MALRD1: variants seen among roughly 807,000 people sequenced by gnomAD.
MALRD1 encodes MAM and LDL-receptor class A domain-containing protein 1.
A neutral mutation model predicts 242.1 loss-of-function variants in MALRD1; 247 were observed. The ratio of observed to expected loss-of-function variants is 1.02; its 90% CI spans 0.92 to 1.13. The LOEUF (loss-of-function observed/expected upper bound fraction) is 1.13. MALRD1 is among the 50% of genes most tolerant of loss of function. MALRD1 has a pLI of 0.00. For synonymous variants in MALRD1, 995 were observed against 866.6 expected (o/e 1.15, Z -2.60); for missense variants, 2,989 against 2,533.1 (o/e 1.18, Z -3.86).
chr10:19,066,011 AAG>A (rs1834968909), intron 1 of MALRD1, among the ~76,000 whole-genome samples: 1 of 152,128 alleles, frequency 6.6e-6, no homozygotes, highest in African/African-American at 2.4e-5. Context: ...TATGGTACCT[AAG>A]AGTTGTAAGG....
intron 28 of MALRD1, among the ~76,000 whole-genome samples, chr10:19,413,135 T>C (rs562176294): frequency 6.6e-6 from 1 of 152,320 alleles, no homozygotes; most frequent in South Asian, 2.1e-4. Flanking sequence ...TTAAAAATAT[T>C]TTGAAACAGT....
intron 29 of MALRD1, among the ~76,000 whole-genome samples, chr10:19,460,789 A>G (rs968929288): frequency 1.3e-5 from 2 of 152,150 alleles, no homozygotes; most frequent in Non-Finnish European, 1.5e-5. Flanking sequence ...TTACCCGAAG[A>G]CCAGGAGAAC....
chr10:19,201,943 G>A (rs1189920520), intron 14 of MALRD1, among the ~76,000 whole-genome samples: 1 of 152,000 alleles, frequency 6.6e-6, no homozygotes, highest in Non-Finnish European at 1.5e-5. Flanking sequence ...AGCCTCCCGA[G>A]TAGCTGGGAC....
chr10:19,489,665 T>C (rs891587690), intron 29 of MALRD1, among the ~76,000 whole-genome samples: 2 of 152,316 alleles, frequency 1.3e-5, no homozygotes, highest in South Asian at 2.1e-4. Context: ...TTTCACTGTC[T>C]TGGTTGTCAG....
intron 29 of MALRD1, among the ~76,000 whole-genome samples, chr10:19,453,871 C>A (rs568734738): frequency 7.8e-5 from 11 of 141,500 alleles, no homozygotes; most frequent in African/African-American, 2.9e-4. Context: ...AGCAAGACTC[C>A]GTCTGAAAAA....
At chr10:19,426,021 A>G (rs1209695667) in intron 28 of MALRD1, among the ~76,000 whole-genome samples, 1 of 152,150 alleles carries the variant, frequency 6.6e-6, no homozygotes, top group South Asian at 2.1e-4. Context: ...AAGATGAGGG[A>G]TGCTATTGTT....
intron 29 of MALRD1, among the ~76,000 whole-genome samples, chr10:19,465,319 C>G (rs1423924884): frequency 6.6e-6 from 1 of 151,964 alleles, no homozygotes; most frequent in African/African-American, 2.4e-5. Flanking sequence ...CAACTTTTCC[C>G]CTTTCAGTAT....
At chr10:19,588,725 C>T (rs916291171) in intron 33 of MALRD1, among the ~76,000 whole-genome samples, 2 of 152,220 alleles carry the variant, frequency 1.3e-5, no homozygotes, top group Admixed American at 6.5e-5. Context: ...TCACTGCAAC[C>T]TCCACCTCCT....
intron 26 of MALRD1, among the ~76,000 whole-genome samples, chr10:19,382,082 A>G (rs530108614): frequency 6.6e-6 from 1 of 152,276 alleles, no homozygotes; most frequent in East Asian, 1.9e-4. Context: ...CTATACCCTT[A>G]ATGTCAAGAA....
At chr10:19,112,150 A>AT (rs5783654) in intron 5 of MALRD1, among the ~76,000 whole-genome samples, 3,804 of 140,026 alleles carry the variant, frequency 0.027, 87 homozygotes, top group African/African-American at 0.067. Flanking sequence ...GATTCTCAGG[A>AT]TTTTTTTTTT....
At chr10:19,295,663 T>C (rs1327014865) in intron 21 of MALRD1, among the ~76,000 whole-genome samples, 1 of 152,104 alleles carries the variant, frequency 6.6e-6, no homozygotes, top group Non-Finnish European at 1.5e-5. Context: ...GAAAGAATAG[T>C]TTTGCAAAGG....
intron 28 of MALRD1, among the ~76,000 whole-genome samples, chr10:19,444,355 T>C (rs949615204): frequency 6.6e-6 from 1 of 152,216 alleles, no homozygotes; most frequent in Non-Finnish European, 1.5e-5. Context: ...GTCATTATGA[T>C]GTTAGCTGGT....
intron 21 of MALRD1, among the ~76,000 whole-genome samples, chr10:19,296,360 T>A (rs1043613778): frequency 6.6e-6 from 1 of 152,098 alleles, no homozygotes; most frequent in Admixed American, 6.6e-5. Flanking sequence ...GCTGACAGTT[T>A]CTTATTTGGC....
At chr10:19,486,693 C>T in intron 29 of MALRD1, among the ~76,000 whole-genome samples, 1 of 152,080 alleles carries the variant, frequency 6.6e-6, no homozygotes, top group Non-Finnish European at 1.5e-5. Flanking sequence ...TATTGAATGT[C>T]ATCAGCTTAA....
intron 34 of MALRD1, among the ~76,000 whole-genome samples, chr10:19,595,788 C>A (rs1458923121): frequency 6.6e-6 from 1 of 152,090 alleles, no homozygotes; most frequent in Non-Finnish European, 1.5e-5. Context: ...GTTAGAATTT[C>A]TTCCTACCAT....
intron 19 of MALRD1, among the ~76,000 whole-genome samples, chr10:19,277,726 C>T (rs555133179): frequency 6.6e-5 from 10 of 152,262 alleles, no homozygotes; most frequent in African/African-American, 2.4e-4. Context: ...TTTGATCTAT[C>T]TTCAATCTTA....
At chr10:19,221,125 A>T (rs1441199565) in intron 18 of MALRD1, among the ~76,000 whole-genome samples, 1 of 152,126 alleles carries the variant, frequency 6.6e-6, no homozygotes, top group Non-Finnish European at 1.5e-5. Context: ...TTTTTTTAAA[A>T]AATGTTGTTT....
intron 29 of MALRD1, among the ~76,000 whole-genome samples, chr10:19,490,542 T>G (rs1439323883): frequency 0.03 from 295 of 9,760 alleles, no homozygotes; most frequent in Admixed American, 0.044. Context: ...GAGGGTAGAG[T>G]GGGGGTACGG....
Position 19,734,442 on chromosome 10 carries a change from A to G in MALRD1, c.*205A>G, listed in dbSNP as rs1835413380. On this transcript the variant is annotated 3_prime_UTR_variant, in exon 40 of 40. Transcript: ENST00000454679. ...AGAATCAGTACCTTATCTTCACTGA[A>G]CATCTGAATATTTTAATAAAATTTC... 1.1e-5 allele frequency: 4 copies of G among 368,704 alleles called. No homozygotes were observed. The highest frequency in any genetic ancestry group is 4.2e-5 in the African/African-American group (2 of 47,906). 22.8% of individuals were successfully genotyped at this position (368,704 alleles called of 1,614,324 possible).
Sources: allele counts gnomAD v4.1 joint callset (sites outside exome capture counted in the v4.1 genomes callset), GRCh38; gene constraint gnomAD v4.1.1; transcripts MANE v1.5; gene names NCBI Gene and HGNC (gene_info 2026-07-23, HGNC 2026-07-21).